The following RNF220 variants were observed in gnomAD, a reference collection of about 807,000 sequenced individuals.
The protein encoded by RNF220 is E3 ubiquitin-protein ligase RNF220.
A neutral mutation model predicts 67.1 loss-of-function variants in RNF220; 7 were observed. The observed-to-expected ratio is 0.10, with a 90% CI of 0.06 to 0.20. The LOEUF is 0.20. Among genes scored for constraint, RNF220 ranks in the 10% least tolerant of loss-of-function variants. RNF220 has a pLI of 1.00. For synonymous variants in RNF220, 270 were observed against 283.2 expected (o/e 0.95, Z 0.47); for missense variants, 565 against 740.3 (o/e 0.76, Z 2.75).
chr1:44,635,817 C>A, intron 7 of RNF220: 1 of 1,288,354 alleles, frequency 7.8e-7, no homozygotes, highest in Non-Finnish European at 1.1e-6. Context: ...TTTGCTTTCA[C>A]TCTCACTCAT....
chr1:44,444,600 C>T (rs1421091265), intron 2 of RNF220, among the ~76,000 whole-genome samples: 1 of 150,364 alleles, frequency 6.7e-6, no homozygotes, highest in Non-Finnish European at 1.5e-5. Flanking sequence ...ACCACCACGC[C>T]AAGCTAATTT....
rs1643879609 is a variant in RNF220 at position 44,624,129 on chromosome 1, G to C, written c.804+1342G>C. On this transcript the variant is annotated intron_variant, in intron 4 of 14. Transcript: ENST00000361799. This position sits in a 1 kb window ranked among gnomAD's most constrained non-coding sequence, Gnocchi z 4.2. ...TTGGGTGGGTATAGGCCTTGGCCAA[G>C]GAGTCAAAGCCCCAAAGAGAAAGGG... Among the ~76,000 whole-genome samples, 1 of 152,246 alleles carries C rather than the reference G, an allele frequency of 6.6e-6. No homozygotes were observed. The highest frequency in any genetic ancestry group is 1.5e-5 in the Non-Finnish European group (1 of 68,038).
intron 2 of RNF220, among the ~76,000 whole-genome samples, chr1:44,414,021 G>A (rs553915970): frequency 6.6e-6 from 1 of 152,354 alleles, no homozygotes; most frequent in African/African-American, 2.4e-5. Flanking sequence ...TATGTTGCAA[G>A]TGTGTCTTTT....
chr1:44,621,930 G>A lies in RNF220; in HGVS notation c.759-812G>A, dbSNP rs537789327. On this transcript the variant is annotated intron_variant, in intron 3 of 14. Coordinates refer to ENST00000361799, the MANE Select transcript of RNF220 (RefSeq NM_018150.4). The surrounding 1 kb of genome is among the most constrained non-coding windows in gnomAD (Gnocchi z 4.8). Reference sequence around the variant, plus strand: ...TGTGAGTGCACGCGCATGAATGTGCGAGCACAGATGTGGCAAGCGTAGTGG... The same window carrying A: ...TGTGAGTGCACGCGCATGAATGTGCAAGCACAGATGTGGCAAGCGTAGTGG... Among the ~76,000 whole-genome samples, 2 of 152,316 alleles carry A rather than the reference G, an allele frequency of 1.3e-5. No homozygotes were observed. The highest frequency in any genetic ancestry group is 1.9e-4 in the East Asian group (1 of 5,190).
chr1:44,530,570 C>T (rs1442694302), intron 2 of RNF220, among the ~76,000 whole-genome samples: 1 of 149,960 alleles, frequency 6.7e-6, no homozygotes, highest in Non-Finnish European at 1.5e-5. Context: ...TTACAACTCT[C>T]TTAAAAGTCT....
At chr1:44,484,780 C>A (rs114280719) in intron 2 of RNF220, among the ~76,000 whole-genome samples, 1,554 of 152,292 alleles carry the variant, frequency 0.01, 22 homozygotes, top group African/African-American at 0.035. Context: ...TAATGAATTT[C>A]TCTCCTATGC....
chr1:44,598,046 C>A (rs1666654921), intron 2 of RNF220, among the ~76,000 whole-genome samples: 1 of 151,696 alleles, frequency 6.6e-6, no homozygotes. Context: ...CCCCCTCATG[C>A]CCCCTGCCCG....
chr1:44,605,027 C>T (rs554761838), intron 2 of RNF220, among the ~76,000 whole-genome samples: 4 of 152,228 alleles, frequency 2.6e-5, no homozygotes, highest in African/African-American at 9.6e-5. Context: ...AGGGGCCGGG[C>T]GCGGTGGCTC....
At chr1:44,632,441 C>T (rs1644182660) in intron 6 of RNF220, 56 bp downstream of exon 6, 9 of 1,503,010 alleles carry the variant, frequency 6.0e-6, no homozygotes, top group East Asian at 2.5e-5. Flanking sequence ...CCCTCCCTCC[C>T]TCACTGCCTG....
intron 2 of RNF220, among the ~76,000 whole-genome samples, chr1:44,431,032 TGG>T (rs1650310849): frequency 6.6e-6 from 1 of 152,224 alleles, no homozygotes; most frequent in Non-Finnish European, 1.5e-5. Flanking sequence ...TCACAATTGC[TGG>T]GAAAGTGTCT....
At chr1:44,486,843 A>G (rs919748161) in intron 2 of RNF220, among the ~76,000 whole-genome samples, 2 of 152,174 alleles carry the variant, frequency 1.3e-5, no homozygotes, top group African/African-American at 4.8e-5. Context: ...TTCACAATCT[A>G]CCAAATGAAA....
chr1:44,650,933 C>T lies in RNF220; in HGVS notation c.*158C>T. ...GTACACACACACACATTTACACACG[C>T]AGGACTCTGGAGCCAGAGTAGAGGC... On this transcript the variant is annotated 3_prime_UTR_variant, in exon 15 of 15. Coordinates refer to ENST00000361799, the MANE Select transcript of RNF220 (RefSeq NM_018150.4). This position sits in a 1 kb window ranked among gnomAD's most constrained non-coding sequence, Gnocchi z 4.3. The T allele has an allele frequency of 1.5e-6, 1 of 677,032 alleles. No individual in the cohort carries two copies. The highest frequency in any genetic ancestry group is 1.7e-5 in the South Asian group (1 of 59,550). The allele number at this position is 677,032 out of a possible 1,614,324, so 41.9% of individuals were successfully genotyped here.
At chr1:44,581,562 G>A (rs557310982) in intron 2 of RNF220, among the ~76,000 whole-genome samples, 2 of 152,344 alleles carry the variant, frequency 1.3e-5, no homozygotes, top group South Asian at 2.1e-4. Context: ...CATGGGAAAC[G>A]GAAAGTCAGG....
intron 2 of RNF220, among the ~76,000 whole-genome samples, chr1:44,554,391 C>G (rs1209208161): frequency 6.6e-6 from 1 of 152,016 alleles, no homozygotes; most frequent in Non-Finnish European, 1.5e-5. Flanking sequence ...TACCCTTACT[C>G]CTTTGCTGTC....
rs1228280875 is a variant in RNF220, at chr1:44,500,019, A to T, written c.625+87297A>T. On this transcript the variant is annotated intron_variant, in intron 2 of 14. Coordinates refer to ENST00000361799, the MANE Select transcript of RNF220 (RefSeq NM_018150.4). Reference sequence around the variant, plus strand: ...CTCCATCTCTACCACATGACCCTGGACCAAGCCACTACTACTATCTCTCAC... The same window carrying T: ...CTCCATCTCTACCACATGACCCTGGTCCAAGCCACTACTACTATCTCTCAC... 2.6e-5 allele frequency among the ~76,000 whole-genome samples: 4 copies of T among 151,718 alleles called. 1 individual carries two copies. Among genetic ancestry groups the T allele is most frequent in the Middle Eastern group, 6.8e-3 (2 of 294 alleles).
intron 2 of RNF220, among the ~76,000 whole-genome samples, chr1:44,519,236 A>T (rs780587487): frequency 4.0e-5 from 6 of 151,716 alleles, no homozygotes; most frequent in Non-Finnish European, 5.9e-5. Context: ...TCATTCAGTC[A>T]TTTATTTATT....
intron 2 of RNF220, among the ~76,000 whole-genome samples, chr1:44,571,333 C>T (rs1432271300): frequency 1.3e-5 from 2 of 152,192 alleles, no homozygotes; most frequent in Non-Finnish European, 2.9e-5. Flanking sequence ...ATCCTCATGA[C>T]TCTCTTCTTC....
chr1:44,633,294 A>G (rs1312363597), intron 6 of RNF220, among the ~76,000 whole-genome samples: 1 of 152,212 alleles, frequency 6.6e-6, no homozygotes, highest in Non-Finnish European at 1.5e-5. Context: ...TGAGAGGTGA[A>G]AGTGGTTTGT....
chr1:44,544,451 G>A (rs2148232778), intron 2 of RNF220, among the ~76,000 whole-genome samples: 1 of 152,348 alleles, frequency 6.6e-6, no homozygotes, highest in African/African-American at 2.4e-5. Context: ...GCCAGCACGA[G>A]GTTTTAATGA....
Sources: gnomAD v4.1 joint callset for allele counts (sites outside exome capture counted in the v4.1 genomes callset) on GRCh38, gnomAD v4.1.1 for gene constraint, Gnocchi (gnomAD v3.1) non-coding constraint, MANE v1.5 for transcripts, NCBI Gene and HGNC (gene_info 2026-07-23, HGNC 2026-07-21) for gene names.